Variants in ACTN2 observed in about 807,000 individuals in gnomAD.
The protein encoded by ACTN2 is alpha-actinin-2.
ACTN2 carries 39 observed loss-of-function variants against 113.8 expected under a neutral mutation model. That is an observed-to-expected ratio of 0.34 (90% CI 0.27 to 0.45). ACTN2 has a LOEUF of 0.45. ACTN2 is among the 20% of genes least tolerant of loss of function. The pLI is 1.00. For missense variants in ACTN2, 992 were observed against 1,177.9 expected, an observed-to-expected ratio of 0.84 and a Z score of 2.31; for synonymous variants, 429 against 444.1, an observed-to-expected ratio of 0.97 and a Z score of 0.43.
chr1:236,715,166 T>C (rs1373726841), intron 1 of ACTN2, among the ~76,000 whole-genome samples: 1 of 151,994 alleles, frequency 6.6e-6, no homozygotes, highest in African/African-American at 2.4e-5. Context: ...TTTTTTTTTT[T>C]TTTATTCTAC....
intron 12 of ACTN2, among the ~76,000 whole-genome samples, chr1:236,746,762 G>A (rs1659250713): frequency 6.6e-6 from 1 of 151,872 alleles, no homozygotes; most frequent in South Asian, 2.1e-4. Flanking sequence ...CAGGTAGAAT[G>A]CATAGATGGA....
chr1:236,689,319 A>G (rs974935094), intron 1 of ACTN2, among the ~76,000 whole-genome samples: 3 of 44,672 alleles, frequency 6.7e-5, no homozygotes. Flanking sequence ...ATATATATAT[A>G]TATATATATA....
intron 1 of ACTN2, among the ~76,000 whole-genome samples, chr1:236,687,598 G>T (rs530839315): frequency 1.8e-4 from 28 of 152,336 alleles, no homozygotes; most frequent in African/African-American, 6.0e-4. Context: ...TTAAGATAAC[G>T]GGGTTATGGC....
At chr1:236,739,794 G>A (rs1659013332) in intron 10 of ACTN2, among the ~76,000 whole-genome samples, 1 of 152,110 alleles carries the variant, frequency 6.6e-6, no homozygotes, top group South Asian at 2.1e-4. Flanking sequence ...TCTTTCTCTC[G>A]TCCCTCCTCA....
intron 14 of ACTN2, among the ~76,000 whole-genome samples, chr1:236,750,102 G>C (rs1352821086): frequency 6.6e-6 from 1 of 152,138 alleles, no homozygotes; most frequent in Non-Finnish European, 1.5e-5. Flanking sequence ...TCTAAGTGGT[G>C]ACGTTAGGGA....
At chr1:236,693,769 C>T (rs74531059) in intron 1 of ACTN2, among the ~76,000 whole-genome samples, 7,186 of 152,162 alleles carry the variant, frequency 0.047, 244 homozygotes, top group Non-Finnish European at 0.073. Flanking sequence ...GCTGGCTTTT[C>T]TCCAAGATGC....
In ACTN2 at chr1:236,718,953, A is replaced by G. The variant is rs149871432; in HGVS notation, c.301A>G (p.Asn101Asp). Residue 101 changes from asparagine (N) to aspartate (D), a missense_variant, in exon 3 of 21, where the codon AAC becomes GAC. Physicochemically the swap from Asn to Asp is conservative, Grantham distance 23 (BLOSUM62 1). Transcript: ENST00000366578. Reference protein sequence around the residue: ...KMRFHKIANVNKALDYIASKG... With the variant: ...KMRFHKIANVDKALDYIASKG... ...GCGGTTCCACAAAATTGCTAATGTC[A>G]ACAAAGCTTTGGATTACATAGCCAG... The G allele has an allele frequency of 1.2e-6, 2 of 1,614,178 alleles. No homozygotes were observed. The highest frequency in any genetic ancestry group is 1.7e-6 in the Non-Finnish European group (2 of 1,180,034).
At chr1:236,687,148 G>T (rs576046059) in intron 1 of ACTN2, among the ~76,000 whole-genome samples, 1 of 152,166 alleles carries the variant, frequency 6.6e-6, no homozygotes, top group South Asian at 2.1e-4. Flanking sequence ...CTCCTGGCCC[G>T]CTTGTGTCCA....
chr1:236,761,432 C>CGTGTGTGTGTGT (rs3831321), intron 20 of ACTN2, among the ~76,000 whole-genome samples: 28 of 150,542 alleles, frequency 1.9e-4, no homozygotes, highest in African/African-American at 6.8e-4. Context: ...TTTGTACTTG[C>CGTGTGTGTGTGT]GTGTGTGTGT....
intron 18 of ACTN2, 145 bp from the exon 19 acceptor site, chr1:236,759,579 C>T (rs1659645962): frequency 1.4e-6 from 1 of 720,906 alleles, no homozygotes; most frequent in South Asian, 1.5e-5. Context: ...GTGCTGGCTC[C>T]ATCCTTCTCG....
chr1:236,727,196 G>T (rs995524881), intron 5 of ACTN2, among the ~76,000 whole-genome samples: 1 of 148,488 alleles, frequency 6.7e-6, no homozygotes, highest in Non-Finnish European at 1.5e-5. Context: ...AAAAAAAAAA[G>T]AACTTAAAGA....
intron 19 of ACTN2, among the ~76,000 whole-genome samples, 170 bp downstream of exon 19, chr1:236,759,959 C>A (rs1229599752): frequency 6.6e-6 from 1 of 152,054 alleles, no homozygotes; most frequent in Non-Finnish European, 1.5e-5. Flanking sequence ...AAAATAAAGT[C>A]ACGAGGCCTG....
chr1:236,697,318 C>G (rs960249723), intron 1 of ACTN2, among the ~76,000 whole-genome samples: 1 of 151,782 alleles, frequency 6.6e-6, no homozygotes, highest in Non-Finnish European at 1.5e-5. Flanking sequence ...AGAGCAAGAC[C>G]CTGTCTCAAA....
At chr1:236,737,548 G>GT (rs59220764) in intron 9 of ACTN2, among the ~76,000 whole-genome samples, 73,894 of 142,884 alleles carry the variant, frequency 0.52, 21,536 homozygotes, top group Non-Finnish European at 0.67. Context: ...TGGGTTACTT[G>GT]TTTTTTTTTT....
chr1:236,761,244 T>C, intron 20 of ACTN2, 71 bp downstream of exon 20: 1 of 1,586,788 alleles, frequency 6.3e-7, no homozygotes, highest in Non-Finnish European at 8.6e-7. Flanking sequence ...AAGGCAACAG[T>C]GTTGTAAATA....
chr1:236,750,581 G>A (rs995105544), intron 14 of ACTN2, among the ~76,000 whole-genome samples: 1 of 152,190 alleles, frequency 6.6e-6, no homozygotes, highest in African/African-American at 2.4e-5. Context: ...GAGGCAGTGA[G>A]GTCTTTGAGC....
chr1:236,757,838 G>A lies in ACTN2; in HGVS notation c.2301+206G>A, dbSNP rs185332311. 3.3e-5 allele frequency among the ~76,000 whole-genome samples: 5 copies of A among 152,300 alleles called. No individual in the cohort carries two copies. The East Asian group carries it at 9.7e-4, about 29-fold the overall frequency. ...GGTGACACAAAGTCCAGGTTTGTGT[G>A]CTGTTTCATACAGATCACTTAATAG... On this transcript the variant is annotated intron_variant, in intron 18 of 20. Coordinates refer to ENST00000366578, the MANE Select transcript of ACTN2 (RefSeq NM_001103.4).
rs753929778 is a variant in ACTN2, at chr1:236,739,464, A to T, written c.1039A>T (p.Thr347Ser). Residue 347 changes from threonine (T) to serine (S), a missense_variant, in exon 10 of 21, where the codon ACG becomes TCG. Physicochemically the swap from Thr to Ser is moderately conservative, Grantham distance 58 (BLOSUM62 1). Transcript: ENST00000366578. ...EKCQLEINFN[T>S]LQTKLRISNR... ...ATGCCAGCTGGAGATCAACTTCAAC[A>T]CGCTGCAGACCAAGCTGCGGATCAG... The T allele has an allele frequency of 6.2e-7, 1 of 1,614,166 alleles. No homozygotes were observed. The highest frequency in any genetic ancestry group is 1.1e-5 in the South Asian group (1 of 91,064).
intron 1 of ACTN2, among the ~76,000 whole-genome samples, chr1:236,687,042 T>G (rs1665898290): frequency 6.6e-6 from 1 of 152,124 alleles, no homozygotes; most frequent in Non-Finnish European, 1.5e-5. Context: ...GATGTGGTTC[T>G]GTTCCTCACA....
Sources: gnomAD v4.1 joint callset for allele counts (sites outside exome capture counted in the v4.1 genomes callset) on GRCh38, gnomAD v4.1.1 for gene constraint, MANE v1.5 for transcripts, NCBI Gene and HGNC (gene_info 2026-07-23, HGNC 2026-07-21) for gene names.